RPTOR: variants seen among roughly 807,000 people sequenced by gnomAD.
The protein encoded by RPTOR is regulatory-associated protein of mTOR.
Under a neutral mutation model 169.9 loss-of-function variants are expected in RPTOR, and 21 were observed. That is an observed-to-expected ratio of 0.12 (90% CI 0.09 to 0.18). The LOEUF is 0.18. RPTOR is among the 10% of genes least tolerant of loss of function. RPTOR has a pLI of 1.00. For synonymous variants in RPTOR, 732 were observed against 753.2 expected, an observed-to-expected ratio of 0.97 and a Z score of 0.46; for missense variants, 1,133 against 1,855.9, an observed-to-expected ratio of 0.61 and a Z score of 7.16.
intron 3 of RPTOR, among the ~76,000 whole-genome samples, chr17:80,680,336 G>C (rs2065888910): frequency 6.6e-6 from 1 of 152,174 alleles, no homozygotes; most frequent in African/African-American, 2.4e-5. Context: ...AAGGGGGTTT[G>C]TTAAAATACT....
chr17:80,626,199 C>T (rs892862413), intron 2 of RPTOR, among the ~76,000 whole-genome samples: 2 of 151,980 alleles, frequency 1.3e-5, no homozygotes, highest in African/African-American at 4.8e-5. Context: ...ACTACAGGCA[C>T]CCGCCAACAC....
At chr17:80,545,913 A>T in intron 1 of RPTOR, 122 bp downstream of exon 1, 1 of 833,450 alleles carries the variant, frequency 1.2e-6, no homozygotes, top group Non-Finnish European at 1.8e-6. Context: ...TTGTAAGTCA[A>T]CTAGAAAGCA....
chr17:80,829,316 C>A (rs2067477814), intron 9 of RPTOR, among the ~76,000 whole-genome samples: 1 of 152,174 alleles, frequency 6.6e-6, no homozygotes, highest in Non-Finnish European at 1.5e-5. Context: ...GGGCTGGTGT[C>A]CAGGAGGGCG....
intron 1 of RPTOR, among the ~76,000 whole-genome samples, chr17:80,579,622 G>C (rs527546077): frequency 6.6e-6 from 1 of 152,328 alleles, no homozygotes; most frequent in African/African-American, 2.4e-5. Context: ...CCCAGAGGCG[G>C]GAGCCTTATG....
intron 21 of RPTOR, 23 bp downstream of exon 21, chr17:80,908,952 C>G: frequency 2.0e-6 from 3 of 1,520,872 alleles, no homozygotes; most frequent in African/African-American, 1.4e-5. Flanking sequence ...CGCTCCCCAC[C>G]GCGCTCCAGC....
At chr17:80,642,219 C>T (rs8074714) in intron 2 of RPTOR, among the ~76,000 whole-genome samples, 43,571 of 151,800 alleles carry the variant, frequency 0.29, 6,353 homozygotes, top group Middle Eastern at 0.36. Flanking sequence ...TCACTGCAAC[C>T]TCTGCCTCCA....
chr17:80,920,946 A>G (rs2143971067), intron 21 of RPTOR, among the ~76,000 whole-genome samples: 1 of 152,358 alleles, frequency 6.6e-6, no homozygotes, highest in Non-Finnish European at 1.5e-5. Flanking sequence ...TTAATACCAA[A>G]ACAAAACAAG....
intron 2 of RPTOR, among the ~76,000 whole-genome samples, chr17:80,628,639 C>T (rs568675450): frequency 8.6e-5 from 13 of 152,042 alleles, no homozygotes; most frequent in African/African-American, 1.4e-4. Context: ...TTATTCTCCC[C>T]ACCCTTTTTT....
chr17:80,865,229 C>A (rs1393302260), intron 13 of RPTOR, among the ~76,000 whole-genome samples: 2 of 152,122 alleles, frequency 1.3e-5, no homozygotes, highest in African/African-American at 4.8e-5. Context: ...TAAATATAGA[C>A]AACACGGAAG....
intron 10 of RPTOR, among the ~76,000 whole-genome samples, chr17:80,843,429 A>AT (rs67266156): frequency 2.0e-5 from 3 of 150,568 alleles, no homozygotes; most frequent in African/African-American, 7.3e-5. Context: ...TCAAAAAAAA[A>AT]TTTTTTTTTT....
intron 1 of RPTOR, among the ~76,000 whole-genome samples, chr17:80,546,066 T>C (rs1349353880): frequency 6.6e-6 from 1 of 152,216 alleles, no homozygotes; most frequent in Middle Eastern, 3.2e-3. Context: ...AATAGAGCAT[T>C]GCGAGTATTT....
intron 9 of RPTOR, among the ~76,000 whole-genome samples, chr17:80,833,822 TC>T (rs1475925860): frequency 6.6e-6 from 1 of 152,176 alleles, no homozygotes; most frequent in Non-Finnish European, 1.5e-5. Context: ...AAACCCCGTC[TC>T]TACTAAAAAT....
At chr17:80,881,962 C>T (rs2068190733) in intron 14 of RPTOR, among the ~76,000 whole-genome samples, 1 of 152,244 alleles carries the variant, frequency 6.6e-6, no homozygotes, top group African/African-American at 2.4e-5. Flanking sequence ...GCTTCCTACT[C>T]ATCCTCAGAA....
intron 11 of RPTOR, among the ~76,000 whole-genome samples, chr17:80,849,911 C>T (rs937561202): frequency 1.4e-4 from 21 of 152,250 alleles, no homozygotes; most frequent in Admixed American, 1.0e-3. Context: ...GAACTCAGTG[C>T]TGTGTGCCCC....
In RPTOR at chr17:80,960,084, C is replaced by T; in HGVS notation, c.3484C>T (p.Pro1162Ser). The T allele has an allele frequency of 6.2e-7, 1 of 1,613,642 alleles. No individual in the cohort carries two copies. Among genetic ancestry groups the T allele is most frequent in the South Asian group, 1.1e-5 (1 of 91,080 alleles). ...TDREMKVQDIPTGADSCVTSL... is the reference protein window; with the variant it reads ...TDREMKVQDISTGADSCVTSL... The stretch of plus-strand genomic sequence containing the variant: ...TGCCTGTGTTTGGCTCTAGGACATC[C>T]CTACGGGCGCAGACAGCTGTGTGAC... Residue 1162 changes from proline to serine, a missense_variant, in exon 30 of 34, where the codon CCT (proline) becomes TCT (serine). By Grantham distance (74) the Pro-to-Ser change is moderately conservative (BLOSUM62 -1). Around this residue, in one of 9 missense-constraint regions of RPTOR, gnomAD observed 410 missense variants for 623.7 expected, o/e 0.66. Transcript: ENST00000306801. The surrounding 1 kb of genome is among the most constrained non-coding windows in gnomAD (Gnocchi z 4.8).
chr17:80,848,417 G>A (rs2589155), intron 11 of RPTOR, among the ~76,000 whole-genome samples: 134,322 of 152,324 alleles, frequency 0.88, 59,295 homozygotes, highest in South Asian at 0.9. Context: ...ACCTAGATTC[G>A]TTTAAGACTA....
rs759841635 is a variant in RPTOR at position 80,845,293 on chromosome 17, G to A, written c.1213-1180G>A. Reference sequence around the variant, plus strand: ...CACGGAGAACTCGTGTCACCCCCTCGAGGGGCCCTGATGCCGCCTGACATT... The same window carrying A: ...CACGGAGAACTCGTGTCACCCCCTCAAGGGGCCCTGATGCCGCCTGACATT... On this transcript the variant is annotated intron_variant, in intron 10 of 33. Transcript: ENST00000306801. The surrounding 1 kb of genome is among the most constrained non-coding windows in gnomAD (Gnocchi z 5.4). Among the ~76,000 whole-genome samples the A allele has an allele frequency of 5.9e-5, 9 of 152,178 alleles. No individual in the cohort carries two copies. The highest frequency in any genetic ancestry group is 1.4e-4 in the African/African-American group (6 of 41,530).
At chr17:80,856,417 G>A (rs779302274) in intron 12 of RPTOR, among the ~76,000 whole-genome samples, 8 of 152,152 alleles carry the variant, frequency 5.3e-5, no homozygotes, top group South Asian at 2.1e-4. Flanking sequence ...GTGCGGAACC[G>A]CTGTCACTAG....
chr17:80,792,835 G>A (rs1050708470), intron 7 of RPTOR, among the ~76,000 whole-genome samples: 2 of 152,010 alleles, frequency 1.3e-5, no homozygotes, highest in African/African-American at 4.8e-5. Context: ...TTCCCCCTCT[G>A]TTTTCTGAGT....
Sources: allele counts gnomAD v4.1 joint callset (sites outside exome capture counted in the v4.1 genomes callset), GRCh38; gene constraint gnomAD v4.1.1; regional missense constraint gnomAD v4.1.1; non-coding constraint Gnocchi (gnomAD v3.1); transcripts MANE v1.5; gene names NCBI Gene and HGNC (gene_info 2026-07-23, HGNC 2026-07-21).